Variants in FMN1 observed in about 807,000 individuals in gnomAD.
The protein encoded by FMN1 is formin 1, also known as formin-1.
In FMN1, 110 loss-of-function variants were observed where a neutral mutation model predicts 132.4. That is an observed-to-expected ratio of 0.83 (90% CI 0.71 to 0.97). The LOEUF is 0.97. Among genes scored for constraint, FMN1 ranks in the 50% least tolerant of loss-of-function variants. The pLI, the probability that FMN1 is intolerant of heterozygous loss-of-function variation, is 0.00. For synonymous variants in FMN1, 722 were observed against 651.7 expected (o/e 1.11, Z -1.64); for missense variants, 1,792 against 1,705.3 (o/e 1.05, Z -0.90).
chr15:32,898,909 A>G lies in FMN1; in HGVS notation c.3655-16T>C. On this transcript the variant is annotated splice_polypyrimidine_tract_variant and intron_variant, in intron 14 of 20. Coordinates refer to ENST00000616417, the MANE Select transcript of FMN1 (RefSeq NM_001277313.2). ...TCCCATTATCCTAGGTTTAAAAGAG[A>G]AATGTACATGAAAATCATTCCCATG... 1 of 1,537,060 alleles carries G rather than the reference A, an allele frequency of 6.5e-7. No homozygotes were observed.
At chr15:32,977,226 G>A (rs1305635247) in intron 7 of FMN1, among the ~76,000 whole-genome samples, 1 of 152,174 alleles carries the variant, frequency 6.6e-6, no homozygotes, top group Non-Finnish European at 1.5e-5. Flanking sequence ...AGAAAGAGAA[G>A]CAATGAGGAA....
intron 9 of FMN1, among the ~76,000 whole-genome samples, chr15:32,952,501 C>T (rs1412503379): frequency 2.0e-5 from 3 of 152,238 alleles, no homozygotes; most frequent in South Asian, 2.1e-4. Context: ...CAAACCACAC[C>T]CAAGGTGAAG....
chr15:33,040,450 G>T (rs61651912), intron 6 of FMN1, among the ~76,000 whole-genome samples: 3,947 of 152,284 alleles, frequency 0.026, 181 homozygotes, highest in African/African-American at 0.09. Flanking sequence ...TTAAGTGCTT[G>T]ATTCCAAGTA....
rs199549365 is a variant in FMN1 at position 33,170,555 on chromosome 15, TAAA to T, written c.-132+9640_-132+9642del. On this transcript the variant is annotated intron_variant, in intron 3 of 20. Coordinates refer to ENST00000616417, the MANE Select transcript of FMN1 (RefSeq NM_001277313.2). ...ACAGGGAACTCAAACAACTCAACAA[TAAA>T]AAAAAAAAAAACCCGTTGAAAAATG... 7.8e-3 allele frequency among the ~76,000 whole-genome samples: 1,001 copies of T among 129,114 alleles called. 16 individuals carry two copies. The highest frequency in any genetic ancestry group is 0.025 in the African/African-American group (934 of 37,508). 84.7% of individuals were successfully genotyped at this position (129,114 alleles called of 152,430 possible).
intron 19 of FMN1, among the ~76,000 whole-genome samples, chr15:32,785,222 T>TTTTTTTTTTTG (rs2056834307): frequency 2.2e-5 from 1 of 44,650 alleles, no homozygotes; most frequent in Non-Finnish European, 4.9e-5. Flanking sequence ...ATATATATTT[T>TTTTTTTTTTTG]TTTTTTTTTT....
chr15:32,946,353 G>A (rs940730407), intron 9 of FMN1, among the ~76,000 whole-genome samples: 1 of 152,094 alleles, frequency 6.6e-6, no homozygotes, highest in Non-Finnish European at 1.5e-5. Context: ...ATCTTGACTG[G>A]AACCATGAGC....
intron 17 of FMN1, among the ~76,000 whole-genome samples, chr15:32,856,689 T>C (rs1212302033): frequency 6.6e-6 from 1 of 152,220 alleles, no homozygotes; most frequent in Non-Finnish European, 1.5e-5. Flanking sequence ...CTGCCTTACA[T>C]GTATGTCATT....
intron 12 of FMN1, among the ~76,000 whole-genome samples, chr15:32,906,163 TC>T (rs1279326800): frequency 4.6e-5 from 7 of 152,324 alleles, no homozygotes; most frequent in African/African-American, 1.7e-4. Context: ...CCCTGCCTGT[TC>T]ATTTCACCGG....
chr15:33,125,329 AATC>A (rs1236166948), intron 4 of FMN1, among the ~76,000 whole-genome samples: 1 of 152,234 alleles, frequency 6.6e-6, no homozygotes, highest in Non-Finnish European at 1.5e-5. Flanking sequence ...AAATGTTAGC[AATC>A]ATCATTTAGG....
chr15:33,012,688 A>G (rs2034796563), intron 6 of FMN1: 2 of 812,278 alleles, frequency 2.5e-6, no homozygotes, highest in South Asian at 2.6e-5. Context: ...TGCTTCATCC[A>G]GCCAAAGAGG....
intron 6 of FMN1, among the ~76,000 whole-genome samples, chr15:33,014,494 GC>G (rs2034923897): frequency 6.6e-6 from 1 of 152,204 alleles, no homozygotes; most frequent in Admixed American, 6.5e-5. Context: ...AGTCACATTA[GC>G]CCCTAATGGA....
chr15:32,949,892 G>A (rs1267183606), intron 9 of FMN1, among the ~76,000 whole-genome samples: 1 of 133,620 alleles, frequency 7.5e-6, no homozygotes, highest in Non-Finnish European at 1.6e-5. Context: ...GTGGGCAAAG[G>A]ACATGAACAG....
At chr15:32,829,585 C>T (rs923549576) in intron 17 of FMN1, among the ~76,000 whole-genome samples, 2 of 152,196 alleles carry the variant, frequency 1.3e-5, no homozygotes, top group African/African-American at 4.8e-5. Flanking sequence ...AATTGGTTCT[C>T]TGTGCCTATA....
chr15:32,874,970 G>A (rs12595789), intron 16 of FMN1, among the ~76,000 whole-genome samples: 82,601 of 152,004 alleles, frequency 0.54, 22,771 homozygotes, highest in African/African-American at 0.61. Flanking sequence ...TTCCTTGGGC[G>A]TTTCCCCTTT....
chr15:32,982,840 C>T (rs546627621), intron 7 of FMN1, among the ~76,000 whole-genome samples: 3 of 152,222 alleles, frequency 2.0e-5, no homozygotes, highest in Non-Finnish European at 2.9e-5. Context: ...CCCCAGCCCT[C>T]CTGAATCTCA....
At chr15:32,807,939 A>G (rs2057739504) in intron 17 of FMN1, among the ~76,000 whole-genome samples, 1 of 152,280 alleles carries the variant, frequency 6.6e-6, no homozygotes, top group African/African-American at 2.4e-5. Flanking sequence ...TGAATGTGTA[A>G]AATTTTAAAC....
rs748836052 is a variant in FMN1, at chr15:32,898,876, C to T, written c.3672G>A (p.Leu1224=). ...GGTAATACTTAACAACGTAGTCCAC[C>T]AGATTAATCCCATTATCCTAGGTTT... ...DVKSRDNGIN[L]VDYVVKYYLR... is the part of the protein sequence containing the mutation. Residue 1224 remains leucine (L), a synonymous_variant, in exon 15 of 21, where the codon CTG becomes CTA. Coordinates refer to ENST00000616417, the MANE Select transcript of FMN1 (RefSeq NM_001277313.2). The T allele has an allele frequency of 7.5e-6, 12 of 1,596,010 alleles. No homozygotes were observed. The highest frequency in any genetic ancestry group is 1.7e-4 in the Middle Eastern group (1 of 6,036).
At chr15:32,904,680 T>A (rs188004483) in intron 12 of FMN1, among the ~76,000 whole-genome samples, 1 of 152,146 alleles carries the variant, frequency 6.6e-6, no homozygotes, top group Non-Finnish European at 1.5e-5. Context: ...ATATTGGGTA[T>A]AGCGAAAATA....
intron 12 of FMN1, among the ~76,000 whole-genome samples, chr15:32,907,879 G>A (rs576090658): frequency 1.1e-4 from 16 of 152,064 alleles, no homozygotes; most frequent in Non-Finnish European, 7.4e-5. Flanking sequence ...CTATGGCTTC[G>A]AGACCCCAAG....
Sources: allele counts gnomAD v4.1 joint callset (sites outside exome capture counted in the v4.1 genomes callset), GRCh38; gene constraint gnomAD v4.1.1; transcripts MANE v1.5; gene names NCBI Gene and HGNC (gene_info 2026-07-23, HGNC 2026-07-21).